The following ELAVL2 variants were observed in gnomAD, a reference collection of about 807,000 sequenced individuals.
ELAVL2 encodes the protein ELAV-like protein 2.
In ELAVL2, 4 loss-of-function variants were observed where a neutral mutation model predicts 34.6. That is an observed-to-expected ratio of 0.12 (90% confidence interval 0.06 to 0.26). The LOEUF (loss-of-function observed/expected upper bound fraction) is 0.26, where lower values mean the gene tolerates loss of function less well. Ranked by LOEUF, ELAVL2 falls within the 10% of genes least tolerant of loss-of-function variation. The pLI is 1.00. For synonymous variants in ELAVL2, 193 were observed against 154.8 expected, an observed-to-expected ratio of 1.25 and a Z score of -1.83; for missense variants, 432 against 442.8, an observed-to-expected ratio of 0.98 and a Z score of 0.22.
intron 1 of ELAVL2, among the ~76,000 whole-genome samples, chr9:23,815,211 AT>A (rs2063542102): frequency 6.6e-6 from 1 of 152,218 alleles, no homozygotes; most frequent in African/African-American, 2.4e-5. Context: ...ACTGAAAAAA[AT>A]ATGAGAAATT....
chr9:23,822,950 C>T (rs556024951), intron 1 of ELAVL2, among the ~76,000 whole-genome samples: 2 of 152,328 alleles, frequency 1.3e-5, no homozygotes, highest in Admixed American at 1.3e-4. Context: ...AGGGAGGGGA[C>T]TCGTCTAACC....
At chr9:23,798,213 G>C (rs2061185845) in intron 1 of ELAVL2, among the ~76,000 whole-genome samples, 1 of 152,286 alleles carries the variant, frequency 6.6e-6, no homozygotes, top group South Asian at 2.1e-4. Flanking sequence ...TATCTGAGGA[G>C]ACAGTTCATA....
At chr9:23,737,040 C>G (rs557878107) in intron 2 of ELAVL2, among the ~76,000 whole-genome samples, 1 of 152,278 alleles carries the variant, frequency 6.6e-6, no homozygotes, top group Admixed American at 6.5e-5. Context: ...GTACAGTGCT[C>G]CTCTCGACTA....
At chr9:23,701,084 C>T (rs1036529917) in intron 5 of ELAVL2, among the ~76,000 whole-genome samples, 4 of 152,106 alleles carry the variant, frequency 2.6e-5, no homozygotes, top group Non-Finnish European at 5.9e-5. Flanking sequence ...ACAGGTTGTG[C>T]CAACATGAAT....
At chr9:23,710,920 C>T (rs2133655013) in intron 3 of ELAVL2, among the ~76,000 whole-genome samples, 1 of 152,184 alleles carries the variant, frequency 6.6e-6, no homozygotes, top group South Asian at 2.1e-4. Flanking sequence ...AGGGGGATCT[C>T]TAACCACAAC....
chr9:23,843,763 A>G, the ELAVL2 span, among the ~76,000 whole-genome samples: 2 of 152,156 alleles, frequency 1.3e-5, no homozygotes, highest in African/African-American at 4.8e-5. Flanking sequence ...CACAGTTTAC[A>G]AGATACTTTT....
At chr9:23,774,198 C>G (rs866280342) in intron 1 of ELAVL2, among the ~76,000 whole-genome samples, 13 of 107,302 alleles carry the variant, frequency 1.2e-4, no homozygotes, top group Non-Finnish European at 2.0e-4. Flanking sequence ...GGCAAAAGTG[C>G]GAGAGACTCC....
intron 1 of ELAVL2, among the ~76,000 whole-genome samples, chr9:23,823,824 G>C (rs529250682): frequency 6.6e-5 from 10 of 152,044 alleles, no homozygotes; most frequent in Non-Finnish European, 1.3e-4. Context: ...AGTTACTATT[G>C]TCTGCTGTGT....
At chr9:23,777,638 G>GT (rs2058429800) in intron 1 of ELAVL2, among the ~76,000 whole-genome samples, 1 of 152,068 alleles carries the variant, frequency 6.6e-6, no homozygotes, top group South Asian at 2.1e-4. Flanking sequence ...GAAACGGGGG[G>GT]TATCATGAGG....
At chr9:23,779,738 T>C (rs1000859003) in intron 1 of ELAVL2, among the ~76,000 whole-genome samples, 1 of 151,810 alleles carries the variant, frequency 6.6e-6, no homozygotes. Context: ...CCCTGAACTT[T>C]CACAGCGCGG....
chr9:23,765,095 G>A (rs1564357077), intron 1 of ELAVL2: 1 of 1,597,884 alleles, frequency 6.3e-7, no homozygotes, highest in Non-Finnish European at 8.5e-7. Flanking sequence ...GTTTGGAGTT[G>A]CCGTCTGCAA....
At position 23,814,804 on chromosome 9, in the gene ELAVL2, A is replaced by G. The variant is rs550749189; in HGVS notation, c.-16+11002T>C. Among the ~76,000 whole-genome samples the G allele has an allele frequency of 2.0e-5, 3 of 152,318 alleles. No homozygotes were observed. The South Asian group carries it at 6.2e-4, about 32-fold the overall frequency. ...ACCTCCAATAAAGCAATATCAGTAT[A>G]ACAAGAAATTCTTACTTTTGAAAAG... is the stretch of plus-strand genomic sequence containing the variant. On this transcript the variant is annotated intron_variant, in intron 1 of 6. Transcript: ENST00000397312.
chr9:23,781,895 A>G (rs1378085566), intron 1 of ELAVL2, among the ~76,000 whole-genome samples: 1 of 152,102 alleles, frequency 6.6e-6, no homozygotes, highest in Non-Finnish European at 1.5e-5. Flanking sequence ...CGTGTTAGTC[A>G]GGATGGTCTC....
At chr9:23,753,442 G>A (rs1168623838) in intron 2 of ELAVL2, among the ~76,000 whole-genome samples, 1 of 152,048 alleles carries the variant, frequency 6.6e-6, no homozygotes, top group East Asian at 1.9e-4. Flanking sequence ...AAAATAAAAG[G>A]CTGGTGGCCA....
intron 1 of ELAVL2, among the ~76,000 whole-genome samples, chr9:23,803,444 T>C (rs950315634): frequency 1.3e-5 from 2 of 152,166 alleles, no homozygotes; most frequent in Non-Finnish European, 2.9e-5. Context: ...CACTTTCATT[T>C]GGGGGTTTAC....
intron 5 of ELAVL2, among the ~76,000 whole-genome samples, chr9:23,699,774 C>G (rs1198924433): frequency 1.4e-5 from 2 of 141,158 alleles, no homozygotes; most frequent in Non-Finnish European, 3.0e-5. Context: ...CCACACTAGT[C>G]TGATCACCAC....
chr9:23,835,658 A>C, the ELAVL2 span, among the ~76,000 whole-genome samples: 2 of 152,192 alleles, frequency 1.3e-5, no homozygotes, highest in Admixed American at 6.5e-5. Context: ...TATCAGAAGA[A>C]CACTAAAACT....
intron 1 of ELAVL2, among the ~76,000 whole-genome samples, chr9:23,781,334 T>C (rs1259612124): frequency 6.6e-6 from 1 of 152,128 alleles, no homozygotes; most frequent in Non-Finnish European, 1.5e-5. Context: ...TTCAAATTAA[T>C]GGTCAAAGAT....
chr9:23,691,742 C>A lies in ELAVL2; in HGVS notation c.*815G>T, dbSNP rs2033254691. ...AAGATCTCAAAAGTATTTTCTACAC[C>A]ATAAATCTTTCTAAATTTTCCAACC... On this transcript the variant is annotated 3_prime_UTR_variant, in exon 7 of 7. Transcript: ENST00000397312. 6.6e-6 allele frequency: 1 copy of A among 152,358 alleles called. No individual in the cohort carries two copies. The highest frequency in any genetic ancestry group is 1.5e-5 in the Non-Finnish European group (1 of 67,954). The allele number at this position is 152,358 out of a possible 1,614,324, so 9.4% of individuals were successfully genotyped here.
Sources: allele counts gnomAD v4.1 joint callset (sites outside exome capture counted in the v4.1 genomes callset), GRCh38; gene constraint gnomAD v4.1.1; transcripts MANE v1.5; gene names NCBI Gene and HGNC (gene_info 2026-07-23, HGNC 2026-07-21).